The following HERC3 variants were observed in gnomAD, a reference collection of about 807,000 sequenced individuals.
The protein encoded by HERC3 is HECT and RLD domain containing E3 ubiquitin protein ligase 3, also known as probable E3 ubiquitin-protein ligase HERC3.
A neutral mutation model predicts 129.9 loss-of-function variants in HERC3; 58 were observed. The ratio of observed to expected loss-of-function variants is 0.45; its 90% CI spans 0.36 to 0.56. The LOEUF (loss-of-function observed/expected upper bound fraction) is 0.56, where lower values mean the gene tolerates loss of function less well. HERC3 is among the 20% of genes least tolerant of loss of function. The pLI is 0.00. For synonymous variants in HERC3, 430 were observed against 451.0 expected, an observed-to-expected ratio of 0.95 and a Z score of 0.59; for missense variants, 835 against 1,244.2, an observed-to-expected ratio of 0.67 and a Z score of 4.95.
chr4:88,662,670 T>G, intron 11 of HERC3, 115 bp downstream of exon 11: 2 of 1,110,334 alleles, frequency 1.8e-6, no homozygotes, highest in Non-Finnish European at 2.6e-6. Flanking sequence ...GGGTTTTACA[T>G]TATAGGGAAT....
chr4:88,698,525 T>C (rs985539455), intron 23 of HERC3, among the ~76,000 whole-genome samples: 2 of 148,186 alleles, frequency 1.3e-5, no homozygotes. Flanking sequence ...TCCTACAGAA[T>C]CTTTGGCCTG....
the HERC3 span, among the ~76,000 whole-genome samples, chr4:88,532,673 T>A: frequency 6.6e-6 from 1 of 152,130 alleles, no homozygotes; most frequent in African/African-American, 2.4e-5. Context: ...AACCATCACA[T>A]TGGCCCATTA....
Position 88,707,380 on chromosome 4 carries a change from T to A in HERC3, c.*420T>A, listed in dbSNP as rs1056604440. 1 of 175,122 alleles carries A rather than the reference T, an allele frequency of 5.7e-6. No individual in the cohort carries two copies. The highest frequency in any genetic ancestry group is 1.3e-4 in the South Asian group (1 of 7,738). 10.8% of individuals were successfully genotyped at this position (175,122 alleles called of 1,614,324 possible). On this transcript the variant is annotated 3_prime_UTR_variant, in exon 26 of 26. Coordinates refer to ENST00000402738, the MANE Select transcript of HERC3 (RefSeq NM_014606.3). ...ATTCCTCTATAAGAATGATTTAGAC[T>A]GACCTGTCCTTTTTTATCTGCGCAT...
upstream of HERC3, among the ~76,000 whole-genome samples, chr4:88,587,737 A>C (rs867033477): frequency 3.3e-5 from 5 of 152,326 alleles, no homozygotes; most frequent in Middle Eastern, 6.8e-3. Flanking sequence ...TACACAAGTA[A>C]ATTTTGGAAG....
chr4:88,631,665 A>G (rs1302482952), intron 3 of HERC3, among the ~76,000 whole-genome samples: 2 of 152,194 alleles, frequency 1.3e-5, no homozygotes, highest in Non-Finnish European at 2.9e-5. Flanking sequence ...CTAGCCCTTT[A>G]CTATATGGAA....
chr4:88,633,956 G>A (rs2972023), intron 3 of HERC3, among the ~76,000 whole-genome samples: 8,181 of 151,488 alleles, frequency 0.054, 574 homozygotes, highest in East Asian at 0.27. Context: ...GGGCGGGGCC[G>A]AGATGGCCGA....
intron 3 of HERC3, among the ~76,000 whole-genome samples, chr4:88,616,966 C>T (rs954123039): frequency 1.1e-4 from 16 of 152,068 alleles, no homozygotes; most frequent in Non-Finnish European, 2.2e-4. Flanking sequence ...TTAAAGCCTG[C>T]ATATATTCCC....
At chr4:88,692,833 G>C in intron 23 of HERC3, 1 of 927,982 alleles carries the variant, frequency 1.1e-6, no homozygotes, top group Non-Finnish European at 1.3e-6. Context: ...CGCTCCATGG[G>C]TACCAGCATA....
chr4:88,558,071 C>CAA, the HERC3 span, among the ~76,000 whole-genome samples: 283 of 38,744 alleles, frequency 7.3e-3, 1 homozygote, highest in Non-Finnish European at 0.012. Context: ...GACTCTGACT[C>CAA]AAAAAAAAAA....
At chr4:88,669,807 A>G (rs1290703448) in intron 14 of HERC3, 53 bp from the exon 15 acceptor site, 1 of 1,501,356 alleles carries the variant, frequency 6.7e-7, no homozygotes, top group Non-Finnish European at 9.2e-7. Context: ...CAGAAGACAT[A>G]AATACTTGCC....
rs182378766 is a variant in HERC3, at chr4:88,657,171, G to A, written c.1069+1136G>A. The stretch of plus-strand genomic sequence containing the variant: ...ACTTATTAATTTTGATTTTGAAGTC[G>A]ATAAAGTGACACACTTATGGCTTGA... On this transcript the variant is annotated intron_variant, in intron 9 of 25. Transcript: ENST00000402738. 1.7e-4 allele frequency: 26 copies of A among 152,226 alleles called. No homozygotes were observed. In the East Asian group the frequency reaches 3.9e-3, roughly 23 times the overall value. The allele number at this position is 152,226 out of a possible 1,614,324, so 9.4% of individuals were successfully genotyped here.
intron 3 of HERC3, among the ~76,000 whole-genome samples, chr4:88,611,366 G>T (rs576783863): frequency 6.6e-6 from 1 of 152,328 alleles, no homozygotes; most frequent in South Asian, 2.1e-4. Context: ...AGACATGGAA[G>T]GGAAGTCTGT....
chr4:88,593,260 G>GGT (rs528386367), intron 1 of HERC3: 11,862 of 151,554 alleles, frequency 0.078, 693 homozygotes, highest in South Asian at 0.23. Context: ...CGTGTGTACG[G>GGT]GTGTGTGTGT....
At chr4:88,625,003 T>G (rs1216442411) in intron 3 of HERC3, among the ~76,000 whole-genome samples, 1 of 152,212 alleles carries the variant, frequency 6.6e-6, no homozygotes, top group Non-Finnish European at 1.5e-5. Flanking sequence ...TGGAAGACAG[T>G]TGGCTGTGTG....
intron 3 of HERC3, among the ~76,000 whole-genome samples, chr4:88,630,950 A>G (rs1010314063): frequency 6.6e-6 from 1 of 151,576 alleles, no homozygotes; most frequent in Admixed American, 6.6e-5. Flanking sequence ...TACAAAGTCT[A>G]CTCCCCTCCC....
chr4:88,638,569 T>C (rs999048161), intron 3 of HERC3, among the ~76,000 whole-genome samples: 5 of 152,064 alleles, frequency 3.3e-5, no homozygotes, highest in African/African-American at 9.6e-5. Context: ...CTCAATAAAC[T>C]AGGTATTGAT....
the HERC3 span, among the ~76,000 whole-genome samples, chr4:88,552,498 C>A: frequency 6.6e-6 from 1 of 152,150 alleles, no homozygotes; most frequent in Non-Finnish European, 1.5e-5. Context: ...AGTGATCTAC[C>A]TATCTTGGCC....
chr4:88,686,152 A>G (rs1225790648), intron 21 of HERC3, among the ~76,000 whole-genome samples: 1 of 152,312 alleles, frequency 6.6e-6, no homozygotes, highest in African/African-American at 2.4e-5. Flanking sequence ...CTCTTAAAAA[A>G]AAAAAATTAG....
chr4:88,595,309 T>C (rs943323542), intron 1 of HERC3, among the ~76,000 whole-genome samples: 5 of 152,214 alleles, frequency 3.3e-5, no homozygotes, highest in Non-Finnish European at 5.9e-5. Flanking sequence ...GGAATTTTTA[T>C]AAGGTGATAT....
Sources: allele counts gnomAD v4.1 joint callset (sites outside exome capture counted in the v4.1 genomes callset), GRCh38; gene constraint gnomAD v4.1.1; transcripts MANE v1.5; gene names NCBI Gene and HGNC (gene_info 2026-07-23, HGNC 2026-07-21).